Variants in PHLPP1 observed in about 807,000 individuals in gnomAD.
PHLPP1 encodes PH domain leucine-rich repeat-containing protein phosphatase 1.
Under a neutral mutation model 117.2 loss-of-function variants are expected in PHLPP1, and 42 were observed. That is an observed-to-expected ratio of 0.36 (90% CI 0.28 to 0.46). The LOEUF (loss-of-function observed/expected upper bound fraction) is 0.46. Among genes scored for constraint, PHLPP1 ranks in the 20% least tolerant of loss-of-function variants. The probability of loss-of-function intolerance (pLI) is 1.00; values close to 1 mark genes in which losing one functional copy is unlikely to be tolerated. For synonymous variants in PHLPP1, 1,042 were observed against 970.7 expected, an observed-to-expected ratio of 1.07 and a Z score of -1.37; for missense variants, 2,084 against 2,241.9, an observed-to-expected ratio of 0.93 and a Z score of 1.42.
intron 1 of PHLPP1, among the ~76,000 whole-genome samples, chr18:62,731,898 ACT>A (rs1232886006): frequency 1.3e-5 from 2 of 152,184 alleles, no homozygotes; most frequent in African/African-American, 2.4e-5. Context: ...CAAGGTCCTA[ACT>A]CTCTTTAATT....
intron 4 of PHLPP1, among the ~76,000 whole-genome samples, chr18:62,865,326 A>G (rs1374710680): frequency 6.6e-6 from 1 of 152,162 alleles, no homozygotes; most frequent in East Asian, 1.9e-4. Context: ...AACCTGTCTC[A>G]AAAATAAAAT....
At chr18:62,865,647 A>G (rs977818807) in intron 4 of PHLPP1, among the ~76,000 whole-genome samples, 5 of 152,260 alleles carry the variant, frequency 3.3e-5, no homozygotes, top group Admixed American at 1.3e-4. Flanking sequence ...ATGCCCATCA[A>G]TGATAGGCTG....
rs192776314 is a variant in PHLPP1 at position 62,804,857 on chromosome 18, T to C, written c.1577-25178T>C. ...TACATATACAGTATAATATACACTATATATTATACATATACAGTATAATAT... is the reference window on the plus strand; with the variant it reads ...TACATATACAGTATAATATACACTACATATTATACATATACAGTATAATAT... On this transcript the variant is annotated intron_variant, in intron 1 of 16. Transcript: ENST00000262719. Among the ~76,000 whole-genome samples the C allele has an allele frequency of 8.6e-4, 129 of 149,742 alleles. No homozygotes were observed. The East Asian group carries it at 0.017, about 20-fold the overall frequency.
intron 10 of PHLPP1, among the ~76,000 whole-genome samples, chr18:62,940,710 ATTATC>A: frequency 6.6e-6 from 1 of 152,200 alleles, no homozygotes; most frequent in East Asian, 1.9e-4. Context: ...GCAGCAATAT[ATTATC>A]TTGTTTGTTT....
chr18:62,862,233 A>G (rs1038365640), intron 4 of PHLPP1, among the ~76,000 whole-genome samples: 1 of 151,680 alleles, frequency 6.6e-6, no homozygotes, highest in Non-Finnish European at 1.5e-5. Flanking sequence ...GCGCTCCCCC[A>G]ACACCTGGCT....
At chr18:62,864,223 T>C (rs1308095149) in intron 4 of PHLPP1, among the ~76,000 whole-genome samples, 1 of 152,124 alleles carries the variant, frequency 6.6e-6, no homozygotes, top group African/African-American at 2.4e-5. Context: ...GGTTTCACCA[T>C]GTTGGCCAGG....
intron 10 of PHLPP1, among the ~76,000 whole-genome samples, chr18:62,931,285 G>A (rs981481073): frequency 5.9e-5 from 9 of 151,804 alleles, no homozygotes; most frequent in African/African-American, 2.2e-4. Context: ...ACAAAATTGA[G>A]GGAATTCTTT....
chr18:62,895,862 G>A lies in PHLPP1; in HGVS notation c.2295G>A (p.Leu765=), dbSNP rs1412415879. Residue 765 remains leucine (L), a synonymous_variant, in exon 6 of 17, where the codon CTG becomes CTA. Transcript: ENST00000262719. ...ELENMKQLSY[L]GLSFNEFTDI... ...AGAACATGAAGCAGCTTAGTTATCT[G>A]GGTCTTTCTTTCAATGAATTTACTG... 2.5e-6 allele frequency: 4 copies of A among 1,613,362 alleles called. No homozygotes were observed. Among genetic ancestry groups the A allele is most frequent in the Middle Eastern group, 1.6e-4 (1 of 6,084 alleles).
chr18:62,971,602 C>CT (rs1289613175), intron 14 of PHLPP1, among the ~76,000 whole-genome samples: 1 of 152,214 alleles, frequency 6.6e-6, no homozygotes, highest in Non-Finnish European at 1.5e-5. Context: ...CAGCCTCCAC[C>CT]TGGGTCTTCC....
At chr18:62,746,681 A>ATT (rs35106832) in intron 1 of PHLPP1, among the ~76,000 whole-genome samples, 2 of 145,644 alleles carry the variant, frequency 1.4e-5, no homozygotes, top group African/African-American at 2.5e-5. Flanking sequence ...TTCAGATGTG[A>ATT]TTTTTTTTTT....
intron 8 of PHLPP1, among the ~76,000 whole-genome samples, chr18:62,912,111 T>A (rs1443782853): frequency 6.8e-5 from 8 of 117,846 alleles, no homozygotes; most frequent in African/African-American, 2.3e-4. Flanking sequence ...ATGAGATCAC[T>A]TGGACACAGG....
In PHLPP1 at chr18:62,825,358, A is replaced by G. The variant is rs904535579; in HGVS notation, c.1577-4677A>G. On this transcript the variant is annotated intron_variant, in intron 1 of 16. Coordinates refer to ENST00000262719, the MANE Select transcript of PHLPP1 (RefSeq NM_194449.4). Reference sequence around the variant, plus strand: ...AAATACTTTAAAAACCAATGTATGTATATATATAAATATATCAACCAAATT... The same window carrying G: ...AAATACTTTAAAAACCAATGTATGTGTATATATAAATATATCAACCAAATT... 7 of 148,484 alleles carry G rather than the reference A, an allele frequency of 4.7e-5. No homozygotes were observed. In the Admixed American group the frequency reaches 4.7e-4, roughly 10 times the overall value. 9.2% of individuals were successfully genotyped at this position (148,484 alleles called of 1,614,324 possible). A position where few individuals can be genotyped will look rare whatever the true frequency, so the allele number is the denominator to read the frequency against.
In PHLPP1 at chr18:62,905,299, C is replaced by G. The variant is rs759372370; in HGVS notation, c.2708+15C>G. On this transcript the variant is annotated intron_variant, in intron 8 of 16. Coordinates refer to ENST00000262719, the MANE Select transcript of PHLPP1 (RefSeq NM_194449.4). ...GATGTTTCAAGGTAAGAAGTCAAGT[C>G]TTAGAGCCCTCTAGAGTCTACTAGA... 33 of 1,425,746 alleles carry G rather than the reference C, an allele frequency of 2.3e-5. No individual in the cohort carries two copies. The highest frequency in any genetic ancestry group is 3.0e-5 in the Non-Finnish European group (32 of 1,063,320). 88.3% of individuals were successfully genotyped at this position (1,425,746 alleles called of 1,614,324 possible). A position where few individuals can be genotyped will look rare whatever the true frequency, so the allele number is the denominator to read the frequency against.
At chr18:62,776,890 G>A (rs1912976312) in intron 1 of PHLPP1, among the ~76,000 whole-genome samples, 1 of 152,194 alleles carries the variant, frequency 6.6e-6, no homozygotes, top group Admixed American at 6.5e-5. Flanking sequence ...TTACAGGCGT[G>A]AGCCACCATG....
intron 1 of PHLPP1, among the ~76,000 whole-genome samples, chr18:62,776,853 C>G (rs1404054868): frequency 1.3e-5 from 2 of 152,174 alleles, no homozygotes; most frequent in Admixed American, 1.3e-4. Context: ...TGTGATCCAC[C>G]TGCCTCCGCC....
intron 1 of PHLPP1, among the ~76,000 whole-genome samples, chr18:62,774,976 A>C (rs1213504183): frequency 1.3e-5 from 2 of 152,206 alleles, no homozygotes; most frequent in African/African-American, 4.8e-5. Context: ...GGTCACTTTA[A>C]AAGAATTTCC....
Position 62,716,579 on chromosome 18 carries a change from C to G in PHLPP1, c.896C>G (p.Pro299Arg). 2 of 1,214,696 alleles carry G rather than the reference C, an allele frequency of 1.6e-6. No homozygotes were observed. The highest frequency in any genetic ancestry group is 2.0e-6 in the Non-Finnish European group (2 of 977,364). 75.2% of individuals were successfully genotyped at this position (1,214,696 alleles called of 1,614,324 possible). Residue 299 changes from proline (P) to arginine (R), a missense_variant, in exon 1 of 17, where the codon CCC becomes CGC. By Grantham distance (103) the Pro-to-Arg change is moderately radical. This residue lies in a region of PHLPP1 where 719 missense variants were observed against 636.0 expected (regional missense o/e 1.13). Coordinates refer to ENST00000262719, the MANE Select transcript of PHLPP1 (RefSeq NM_194449.4). The surrounding 1 kb of genome is among the most constrained non-coding windows in gnomAD (Gnocchi z 5.7). ...GAFGGPPRAPPADLPLPVGGP... is the reference protein window; with the variant it reads ...GAFGGPPRAPRADLPLPVGGP... The stretch of plus-strand genomic sequence containing the variant: ...TTCGGGGGGCCTCCGCGCGCGCCCC[C>G]CGCCGACCTACCCCTGCCCGTCGGC...
At chr18:62,890,077 T>C (rs1916370136) in intron 4 of PHLPP1, among the ~76,000 whole-genome samples, 1 of 102,320 alleles carries the variant, frequency 9.8e-6, no homozygotes, top group African/African-American at 3.9e-5. Context: ...CAGTTCTCTT[T>C]ACGTAAAGCT....
intron 4 of PHLPP1, among the ~76,000 whole-genome samples, chr18:62,875,963 C>T (rs1310754904): frequency 6.6e-6 from 1 of 151,914 alleles, no homozygotes; most frequent in Admixed American, 6.6e-5. Flanking sequence ...GAACTCCTGA[C>T]CTGAGATGAT....
Sources: allele counts gnomAD v4.1 joint callset (sites outside exome capture counted in the v4.1 genomes callset), GRCh38; gene constraint gnomAD v4.1.1; regional missense constraint gnomAD v4.1.1; non-coding constraint Gnocchi (gnomAD v3.1); transcripts MANE v1.5; gene names NCBI Gene and HGNC (gene_info 2026-07-23, HGNC 2026-07-21).